ATG13: variants seen among roughly 807,000 people sequenced by gnomAD.
The protein encoded by ATG13 is autophagy-related protein 13.
ATG13 carries 23 observed loss-of-function variants against 65.5 expected under a neutral mutation model. The ratio of observed to expected loss-of-function variants is 0.35; its 90% CI spans 0.25 to 0.50. The LOEUF (loss-of-function observed/expected upper bound fraction) is 0.50. ATG13 is among the 20% of genes least tolerant of loss of function. The probability of loss-of-function intolerance (pLI) is 0.98; values close to 1 mark genes in which losing one functional copy is unlikely to be tolerated. For missense variants in ATG13, 566 were observed against 677.0 expected, an observed-to-expected ratio of 0.84 and a Z score of 1.82; for synonymous variants, 252 against 245.2, an observed-to-expected ratio of 1.03 and a Z score of -0.26.
rs116065652 is a variant in ATG13 at position 46,667,010 on chromosome 11, G to A, written c.1137-763G>A. On this transcript the variant is annotated intron_variant, in intron 14 of 18. Coordinates refer to ENST00000683050, the MANE Select transcript of ATG13 (RefSeq NM_001346311.2). Reference sequence around the variant, plus strand: ...TCTCCCTTTTCTCCCTCTGTTAGATGATTAAAGGCATTTTACACTCTAGTT... The same window carrying A: ...TCTCCCTTTTCTCCCTCTGTTAGATAATTAAAGGCATTTTACACTCTAGTT... 5.8e-3 allele frequency among the ~76,000 whole-genome samples: 883 copies of A among 152,176 alleles called. 9 individuals carry two copies. The highest frequency in any genetic ancestry group is 0.014 in the African/African-American group (566 of 41,514).
At chr11:46,665,277 G>A (rs927796242) in intron 13 of ATG13, 106 bp from the exon 14 acceptor site, 60 of 1,398,782 alleles carry the variant, frequency 4.3e-5, no homozygotes, top group Admixed American at 1.7e-4. Context: ...TGGTGGCAGC[G>A]TTGGTGATGG....
Position 46,659,449 on chromosome 11 carries a change from G to A in ATG13, c.753G>A (p.Val251=). 1 of 1,614,134 alleles carries A rather than the reference G, an allele frequency of 6.2e-7. No individual in the cohort carries two copies. Among genetic ancestry groups the A allele is most frequent in the Non-Finnish European group, 8.5e-7 (1 of 1,179,968 alleles). The change falls in exon 11 of 19, where the codon GTG becomes GTA. Residue 251 remains valine (V), a synonymous_variant. Transcript: ENST00000683050. ...IYPSVEDSQE[V]CTTSFSTSPP... The stretch of plus-strand genomic sequence containing the variant: ...CGTCTGTAGAAGACTCTCAAGAAGT[G>A]TGTACCACCTCTTTTTCCACCTCCC...
chr11:46,628,039 G>A (rs1440916526), intron 1 of ATG13, among the ~76,000 whole-genome samples: 2 of 150,156 alleles, frequency 1.3e-5, no homozygotes, highest in African/African-American at 4.9e-5. Context: ...GCTGTGATCG[G>A]GCCACTGCAC....
chr11:46,628,107 GA>G (rs896401485), intron 1 of ATG13, among the ~76,000 whole-genome samples: 2 of 149,100 alleles, frequency 1.3e-5, no homozygotes, highest in African/African-American at 2.5e-5. Context: ...AAAAAGGCAG[GA>G]AAAAAAGCAT....
intron 9 of ATG13, 91 bp from the exon 10 acceptor site, chr11:46,657,433 C>T: frequency 1.6e-6 from 2 of 1,262,120 alleles, no homozygotes; most frequent in Middle Eastern, 3.8e-4. Flanking sequence ...TAGTGCCTGC[C>T]AACAGATGTA....
chr11:46,622,076 C>CAT lies in ATG13; in HGVS notation c.-70+4237_-70+4238dup, dbSNP rs58391951. Reference sequence around the variant, plus strand: ...GCCACTTCAGAGATTTATTTATTTACATATATATATATATATATATATATA... The same window carrying CAT: ...GCCACTTCAGAGATTTATTTATTTACATATATATATATATATATATATATATA... On this transcript the variant is annotated intron_variant, in intron 1 of 18. Transcript: ENST00000683050. Among the ~76,000 whole-genome samples the CAT allele has an allele frequency of 7.0e-3, 502 of 71,596 alleles. 4 individuals are homozygous for CAT. The highest frequency in any genetic ancestry group is 9.5e-3 in the Non-Finnish European group (345 of 36,254). The allele number at this position is 71,596 out of a possible 152,430, so 47.0% of individuals were successfully genotyped here.
rs746642470 is a variant in ATG13, at chr11:46,619,372, C to CTTTTTTTTTTTT, written c.-70+1500_-70+1511dup. On this transcript the variant is annotated intron_variant, in intron 1 of 18. Coordinates refer to ENST00000683050, the MANE Select transcript of ATG13 (RefSeq NM_001346311.2). ...ATGTCCTTGGAAGGTAGATTTCTTGCTTTTTTTTTTTTTTTTTTTTTTTTT... is the reference window on the plus strand; with the variant it reads ...ATGTCCTTGGAAGGTAGATTTCTTGCTTTTTTTTTTTTTTTTTTTTTTTTTTTTTTTTTTTTT... Among the ~76,000 whole-genome samples, 150 of 35,328 alleles carry CTTTTTTTTTTTT rather than the reference C, an allele frequency of 4.2e-3. 53 individuals are homozygous for CTTTTTTTTTTTT. The highest frequency in any genetic ancestry group is 8.0e-3 in the African/African-American group (64 of 7,974). The allele number at this position is 35,328 out of a possible 152,430, so 23.2% of individuals were successfully genotyped here. A position where few individuals can be genotyped will look rare whatever the true frequency, so the allele number is the denominator to read the frequency against.
intron 1 of ATG13, chr11:46,618,213 C>T (rs1000824311): frequency 3.9e-6 from 1 of 255,510 alleles, no homozygotes. Context: ...GGTAGGTTTT[C>T]ATTCAATCAA....
At position 46,672,641 on chromosome 11, in the gene ATG13, T is replaced by A. The variant is rs1056326980; in HGVS notation, c.*309T>A. On this transcript the variant is annotated 3_prime_UTR_variant, in exon 19 of 19. Transcript: ENST00000683050. Reference sequence around the variant, plus strand: ...CATCACCAACTGCTTCCCAAGGGTGTCATCCTGTTCCTCCTGCTGCCGGCC... The same window carrying A: ...CATCACCAACTGCTTCCCAAGGGTGACATCCTGTTCCTCCTGCTGCCGGCC... The A allele has an allele frequency of 7.2e-7, 1 of 1,396,620 alleles. No individual in the cohort carries two copies. The highest frequency in any genetic ancestry group is 3.8e-5 in the East Asian group (1 of 26,188). 86.5% of individuals were successfully genotyped at this position (1,396,620 alleles called of 1,614,324 possible).
chr11:46,667,698 A>G (rs2062672814), intron 14 of ATG13, 75 bp from the exon 15 acceptor site: 3 of 1,155,616 alleles, frequency 2.6e-6, no homozygotes, highest in Non-Finnish European at 1.3e-6. Flanking sequence ...GCCCCACCAG[A>G]TGGTGTATTT....
chr11:46,656,796 A>G (rs2060127561), intron 8 of ATG13, among the ~76,000 whole-genome samples: 1 of 152,164 alleles, frequency 6.6e-6, no homozygotes, highest in African/African-American at 2.4e-5. Flanking sequence ...AGGCCTTAAA[A>G]CTAACAGTTA....
intron 2 of ATG13, 50 bp from the exon 3 acceptor site, chr11:46,644,229 A>G (rs969395216): frequency 1.1e-4 from 149 of 1,356,674 alleles, no homozygotes; most frequent in Non-Finnish European, 1.4e-4. Flanking sequence ...TTGATGTATC[A>G]ATGCCTTTTT....
At chr11:46,648,093 C>T (rs1270796621) in intron 5 of ATG13, among the ~76,000 whole-genome samples, 5 of 151,286 alleles carry the variant, frequency 3.3e-5, no homozygotes, top group African/African-American at 1.2e-4. Flanking sequence ...AGCCAAATTA[C>T]TTAACCCCAC....
chr11:46,669,167 T>G (rs2063121218), intron 17 of ATG13, among the ~76,000 whole-genome samples: 1 of 152,172 alleles, frequency 6.6e-6, no homozygotes, highest in Non-Finnish European at 1.5e-5. Context: ...CCCACTTAGG[T>G]CCTATTCGTG....
Position 46,673,100 on chromosome 11 carries a change from C to G in ATG13, c.*768C>G, listed in dbSNP as rs1286634054. On this transcript the variant is annotated 3_prime_UTR_variant, in exon 19 of 19. Transcript: ENST00000683050. Reference sequence around the variant, plus strand: ...TCTTCCTCTTGTCCCCCCGTTGCTGCTCCTTGGTTATAGAACATGGTAAAT... The same window carrying G: ...TCTTCCTCTTGTCCCCCCGTTGCTGGTCCTTGGTTATAGAACATGGTAAAT... 1 of 180,192 alleles carries G rather than the reference C, an allele frequency of 5.5e-6. No individual in the cohort carries two copies. The highest frequency in any genetic ancestry group is 1.5e-4 in the East Asian group (1 of 6,618). 11.2% of individuals were successfully genotyped at this position (180,192 alleles called of 1,614,324 possible). A position where few individuals can be genotyped will look rare whatever the true frequency, so the allele number is the denominator to read the frequency against.
At chr11:46,628,642 T>C (rs2050567316) in intron 1 of ATG13, among the ~76,000 whole-genome samples, 1 of 152,156 alleles carries the variant, frequency 6.6e-6, no homozygotes, top group Admixed American at 6.6e-5. Context: ...TTAGAATAAA[T>C]CAAGGAAATA....
chr11:46,636,657 A>G (rs1039799178), intron 2 of ATG13, among the ~76,000 whole-genome samples: 2 of 150,610 alleles, frequency 1.3e-5, no homozygotes, highest in Non-Finnish European at 1.5e-5. Flanking sequence ...GAGTTTCACT[A>G]TGTTGCTCAG....
chr11:46,630,568 C>CTTTTTTTTT (rs35243801), intron 2 of ATG13, among the ~76,000 whole-genome samples: 3 of 120,738 alleles, frequency 2.5e-5, no homozygotes, highest in African/African-American at 6.7e-5. Context: ...AAATTAGAGG[C>CTTTTTTTTT]TTTTTTTTTT....
chr11:46,630,615 T>A (rs1420176770), intron 2 of ATG13, among the ~76,000 whole-genome samples: 1 of 138,324 alleles, frequency 7.2e-6, no homozygotes. Flanking sequence ...TGACCCAGTC[T>A]GGAATGCAGT....
Sources: allele counts gnomAD v4.1 joint callset (sites outside exome capture counted in the v4.1 genomes callset), GRCh38; gene constraint gnomAD v4.1.1; transcripts MANE v1.5; gene names NCBI Gene and HGNC (gene_info 2026-07-23, HGNC 2026-07-21).